The following C10orf90 variants were observed in gnomAD, a reference collection of about 807,000 sequenced individuals.
The protein encoded by C10orf90 is chromosome 10 open reading frame 90.
C10orf90 carries 56 observed loss-of-function variants against 62.5 expected under a neutral mutation model. The ratio of observed to expected loss-of-function variants is 0.90; its 90% CI spans 0.72 to 1.12. The LOEUF (loss-of-function observed/expected upper bound fraction) is 1.12. C10orf90 is among the 50% of genes most tolerant of loss of function. The pLI is 0.00. For synonymous variants in C10orf90, 386 were observed against 340.4 expected (o/e 1.13, Z -1.47); for missense variants, 970 against 880.4 (o/e 1.10, Z -1.29).
intron 2 of C10orf90, among the ~76,000 whole-genome samples, chr10:126,516,883 C>A (rs944826510): frequency 5.0e-5 from 1 of 19,974 alleles, no homozygotes; most frequent in Non-Finnish European, 9.4e-5. Flanking sequence ...GGCTCACAGC[C>A]CCGCATCACT....
At chr10:126,650,778 C>T (rs893483999) in intron 1 of C10orf90, among the ~76,000 whole-genome samples, 5 of 152,106 alleles carry the variant, frequency 3.3e-5, no homozygotes, top group Non-Finnish European at 7.4e-5. Context: ...TTATATATAA[C>T]AAAACTCAGG....
intron 2 of C10orf90, among the ~76,000 whole-genome samples, chr10:126,580,635 AGAGC>A (rs1192660503): frequency 7.0e-6 from 1 of 143,424 alleles, no homozygotes; most frequent in African/African-American, 2.7e-5. Context: ...CCTGGGCAAC[AGAGC>A]GAGGCTCTGT....
intron 2 of C10orf90, among the ~76,000 whole-genome samples, chr10:126,612,366 G>A (rs1347784727): frequency 1.3e-5 from 2 of 152,080 alleles, no homozygotes; most frequent in Non-Finnish European, 2.9e-5. Flanking sequence ...TGCAGCCAGT[G>A]GCTACCACAT....
intron 2 of C10orf90, among the ~76,000 whole-genome samples, chr10:126,514,312 T>C (rs1026601081): frequency 6.6e-6 from 1 of 152,098 alleles, no homozygotes; most frequent in African/African-American, 2.4e-5. Flanking sequence ...TAAGAATGGG[T>C]GAAATACAAT....
At chr10:126,586,488 T>C (rs1196914726) in intron 2 of C10orf90, among the ~76,000 whole-genome samples, 1 of 152,214 alleles carries the variant, frequency 6.6e-6, no homozygotes, top group Non-Finnish European at 1.5e-5. Flanking sequence ...AAGGTTCATG[T>C]GGCTGTTCTC....
intron 2 of C10orf90, among the ~76,000 whole-genome samples, chr10:126,587,376 G>A (rs1008994820): frequency 2.6e-5 from 4 of 152,194 alleles, no homozygotes; most frequent in African/African-American, 9.7e-5. Context: ...GGAAGCTGGA[G>A]GTCTGAGGTC....
intron 3 of C10orf90, among the ~76,000 whole-genome samples, chr10:126,507,226 A>G (rs981559715): frequency 5.3e-5 from 8 of 151,658 alleles, no homozygotes; most frequent in South Asian, 2.1e-4. Context: ...GCGTGGTGGC[A>G]GGCGCCTGTA....
chr10:126,540,904 A>G (rs1315359827), intron 2 of C10orf90, among the ~76,000 whole-genome samples: 3 of 152,212 alleles, frequency 2.0e-5, no homozygotes, highest in African/African-American at 7.2e-5. Context: ...TGCGTATAAT[A>G]TTCGTAATCT....
intron 1 of C10orf90, among the ~76,000 whole-genome samples, chr10:126,667,194 G>A (rs901891907): frequency 3.3e-5 from 5 of 151,612 alleles, no homozygotes; most frequent in Non-Finnish European, 7.4e-5. Flanking sequence ...GAGTAGCTGG[G>A]ACTACAGGCA....
chr10:126,526,449 T>C (rs1272173021), intron 2 of C10orf90, among the ~76,000 whole-genome samples: 1 of 152,054 alleles, frequency 6.6e-6, no homozygotes, highest in Non-Finnish European at 1.5e-5. Flanking sequence ...TTTCACCGTG[T>C]TAGCCAGGAT....
chr10:126,464,655 G>A (rs56395014), intron 5 of C10orf90, 41 bp downstream of exon 5: 24 of 1,568,164 alleles, frequency 1.5e-5, no homozygotes, highest in Non-Finnish European at 2.0e-5. Flanking sequence ...TTTATCGAAT[G>A]TCAAGACCAA....
intron 2 of C10orf90, among the ~76,000 whole-genome samples, chr10:126,572,091 G>A (rs907244260): frequency 6.6e-6 from 1 of 152,152 alleles, no homozygotes; most frequent in African/African-American, 2.4e-5. Flanking sequence ...ACGACCTGCT[G>A]GGCTGTATTC....
chr10:126,527,969 A>G (rs1863993806), intron 2 of C10orf90, among the ~76,000 whole-genome samples: 1 of 152,236 alleles, frequency 6.6e-6, no homozygotes, highest in Non-Finnish European at 1.5e-5. Context: ...AGTTACTATT[A>G]TAATTTAACA....
At chr10:126,475,192 T>G (rs1860793792) in intron 4 of C10orf90, among the ~76,000 whole-genome samples, 1 of 152,174 alleles carries the variant, frequency 6.6e-6, no homozygotes, top group Admixed American at 6.5e-5. Context: ...TGGAGAGAAC[T>G]ATTTTGAAAG....
chr10:126,526,445 CG>C (rs1863948869), intron 2 of C10orf90, among the ~76,000 whole-genome samples: 1 of 152,000 alleles, frequency 6.6e-6, no homozygotes, highest in South Asian at 2.1e-4. Flanking sequence ...GGGGTTTCAC[CG>C]TGTTAGCCAG....
At chr10:126,442,633 G>GTA (rs56368633) in intron 7 of C10orf90, among the ~76,000 whole-genome samples, 4,569 of 87,094 alleles carry the variant, frequency 0.052, 167 homozygotes, top group Non-Finnish European at 0.059. Context: ...TTGTGTGTGT[G>GTA]TATATATATA....
intron 7 of C10orf90, among the ~76,000 whole-genome samples, chr10:126,440,246 G>C (rs1858219445): frequency 6.6e-6 from 1 of 152,140 alleles, no homozygotes; most frequent in Non-Finnish European, 1.5e-5. Flanking sequence ...GTGGGAGCTG[G>C]GTGAGGCCTG....
At chr10:126,562,018 C>T (rs1564872193) in intron 2 of C10orf90, among the ~76,000 whole-genome samples, 1 of 152,210 alleles carries the variant, frequency 6.6e-6, no homozygotes. Context: ...AGCACCTCAG[C>T]TGGAGAGTCC....
chr10:126,527,840 A>G (rs34626277), intron 2 of C10orf90, among the ~76,000 whole-genome samples: 1 of 152,218 alleles, frequency 6.6e-6, no homozygotes, highest in East Asian at 1.9e-4. Context: ...GATAGCATTG[A>G]CCATGGGCCA....
Sources: allele counts gnomAD v4.1 joint callset (sites outside exome capture counted in the v4.1 genomes callset), GRCh38; gene constraint gnomAD v4.1.1; transcripts MANE v1.5; gene names NCBI Gene and HGNC (gene_info 2026-07-23, HGNC 2026-07-21).